RABGAP1L: variants seen among roughly 807,000 people sequenced by gnomAD.
The protein encoded by RABGAP1L is rab GTPase-activating protein 1-like.
A neutral mutation model predicts 137.7 loss-of-function variants in RABGAP1L; 63 were observed. The ratio of observed to expected loss-of-function variants is 0.46; its 90% CI spans 0.37 to 0.56. RABGAP1L has a LOEUF of 0.56. Among genes scored for constraint, RABGAP1L ranks in the 20% least tolerant of loss-of-function variants. RABGAP1L has a pLI of 0.00. For synonymous variants in RABGAP1L, 431 were observed against 433.7 expected (o/e 0.99, Z 0.08); for missense variants, 1,095 against 1,244.0 (o/e 0.88, Z 1.80).
intron 18 of RABGAP1L, among the ~76,000 whole-genome samples, chr1:174,784,954 A>G (rs1687346467): frequency 6.6e-6 from 1 of 152,246 alleles, no homozygotes; most frequent in Non-Finnish European, 1.5e-5. Context: ...AATAGGACCC[A>G]TTGTATTCTC....
intron 19 of RABGAP1L, among the ~76,000 whole-genome samples, chr1:174,883,233 A>G (rs942021815): frequency 2.6e-5 from 4 of 152,212 alleles, no homozygotes; most frequent in Non-Finnish European, 4.4e-5. Flanking sequence ...CTGAAAACTG[A>G]GAGACATAAT....
chr1:174,482,106 C>T (rs748135749), intron 13 of RABGAP1L, among the ~76,000 whole-genome samples: 1 of 151,948 alleles, frequency 6.6e-6, no homozygotes, highest in Non-Finnish European at 1.5e-5. Flanking sequence ...AGATCTCATC[C>T]CTTGCTTTAA....
intron 13 of RABGAP1L, among the ~76,000 whole-genome samples, chr1:174,526,571 T>C (rs1663890713): frequency 6.6e-6 from 1 of 152,190 alleles, no homozygotes; most frequent in Admixed American, 6.5e-5. Flanking sequence ...GTAGGTTGTA[T>C]GTTTCTAGGA....
At chr1:174,246,991 G>A (rs758061284) in intron 5 of RABGAP1L, among the ~76,000 whole-genome samples, 20 of 152,134 alleles carry the variant, frequency 1.3e-4, no homozygotes, top group Admixed American at 1.3e-4. Context: ...ATGTACTGTC[G>A]TGTTCTTTCT....
intron 13 of RABGAP1L, among the ~76,000 whole-genome samples, chr1:174,511,071 G>A (rs1303378852): frequency 6.6e-6 from 1 of 152,134 alleles, no homozygotes; most frequent in Non-Finnish European, 1.5e-5. Flanking sequence ...TGAGATGGGG[G>A]ACTCCAGATT....
At chr1:174,833,368 TTG>T (rs71117578) in intron 19 of RABGAP1L, among the ~76,000 whole-genome samples, 5,508 of 107,836 alleles carry the variant, frequency 0.051, 191 homozygotes, top group African/African-American at 0.073. Flanking sequence ...ACCAGCTAAT[TTG>T]TGTGTGTGTG....
rs1252916739 is a variant in RABGAP1L, at chr1:174,723,162, C to T, written c.2169+20906C>T. 2.0e-5 allele frequency among the ~76,000 whole-genome samples: 3 copies of T among 152,148 alleles called. No individual in the cohort carries two copies. The East Asian group carries it at 5.8e-4, about 30-fold the overall frequency. On this transcript the variant is annotated intron_variant, in intron 17 of 25. Coordinates refer to ENST00000681986, the MANE Select transcript of RABGAP1L (RefSeq NM_001366446.1). The stretch of plus-strand genomic sequence containing the variant: ...CAATCTCAGCCCACTGCAATCTCCA[C>T]CTCCTGGGTTCCAGTGATTCTCCTG...
intron 18 of RABGAP1L, chr1:174,800,580 C>G (rs1331553367): frequency 5.3e-5 from 79 of 1,487,822 alleles, no homozygotes; most frequent in Non-Finnish European, 7.0e-5. Flanking sequence ...CTGAAAGAGG[C>G]TTGTTGTCTC....
chr1:174,221,185 A>C, intron 3 of RABGAP1L, 21 bp downstream of exon 3: 1 of 1,478,214 alleles, frequency 6.8e-7, no homozygotes, highest in African/African-American at 1.4e-5. Context: ...GAATTCTTAG[A>C]AACTATTAAA....
At chr1:174,180,756 C>T (rs539761645) in intron 1 of RABGAP1L, among the ~76,000 whole-genome samples, 13 of 152,272 alleles carry the variant, frequency 8.5e-5, no homozygotes, top group South Asian at 4.1e-4. Context: ...CATGAGCCAC[C>T]GCATCTGGCC....
intron 23 of RABGAP1L, among the ~76,000 whole-genome samples, chr1:174,981,550 CTTTTTTTT>C (rs10556099): frequency 1.8e-4 from 12 of 66,428 alleles, no homozygotes; most frequent in Middle Eastern, 0.018. Context: ...GTTTTTCCAT[CTTTTTTTT>C]TTTTTTTTTT....
intron 13 of RABGAP1L, among the ~76,000 whole-genome samples, chr1:174,485,931 A>G (rs1440637938): frequency 6.6e-6 from 1 of 151,962 alleles, no homozygotes; most frequent in Non-Finnish European, 1.5e-5. Context: ...TCTTCTTTAA[A>G]TGTTTGGTAG....
intron 18 of RABGAP1L, among the ~76,000 whole-genome samples, chr1:174,767,058 G>A (rs1033804852): frequency 1.3e-5 from 2 of 152,086 alleles, no homozygotes; most frequent in Non-Finnish European, 2.9e-5. Context: ...CCTGTGACCC[G>A]GAAGCTCCCA....
intron 10 of RABGAP1L, among the ~76,000 whole-genome samples, chr1:174,280,275 T>C (rs913128798): frequency 2.0e-5 from 3 of 152,206 alleles, no homozygotes; most frequent in African/African-American, 7.2e-5. Context: ...CTATACAACA[T>C]TGGTAGAAAG....
chr1:174,614,535 T>G (rs924274054), intron 13 of RABGAP1L, among the ~76,000 whole-genome samples: 4 of 152,188 alleles, frequency 2.6e-5, no homozygotes, highest in Non-Finnish European at 5.9e-5. Context: ...TCAGCTTTGG[T>G]GAATCTGACA....
At chr1:174,215,556 A>G (rs1669236265) in intron 1 of RABGAP1L, among the ~76,000 whole-genome samples, 1 of 152,220 alleles carries the variant, frequency 6.6e-6, no homozygotes, top group Non-Finnish European at 1.5e-5. Context: ...AATGGCAAAA[A>G]GGCATATGAA....
At chr1:174,929,317 A>G (rs1415387869) in intron 19 of RABGAP1L, among the ~76,000 whole-genome samples, 3 of 152,168 alleles carry the variant, frequency 2.0e-5, no homozygotes, top group Middle Eastern at 3.2e-3. Context: ...CTGGAAGGAA[A>G]TTGTCTGAGA....
At chr1:174,553,652 A>G (rs181121479) in intron 13 of RABGAP1L, among the ~76,000 whole-genome samples, 41 of 152,358 alleles carry the variant, frequency 2.7e-4, no homozygotes, top group Admixed American at 2.1e-3. Context: ...TTTCTCACAA[A>G]TGTACATGTA....
At chr1:174,441,794 G>A (rs191243085) in intron 13 of RABGAP1L, among the ~76,000 whole-genome samples, 17 of 150,404 alleles carry the variant, frequency 1.1e-4, no homozygotes, top group Admixed American at 1.1e-3. Context: ...AGCTAGTACA[G>A]TCAGTTGCTA....
Sources: allele counts gnomAD v4.1 joint callset (sites outside exome capture counted in the v4.1 genomes callset), GRCh38; gene constraint gnomAD v4.1.1; transcripts MANE v1.5; gene names NCBI Gene and HGNC (gene_info 2026-07-23, HGNC 2026-07-21).